LEPR: variants seen among roughly 807,000 people sequenced by gnomAD.
LEPR encodes leptin receptor.
LEPR carries 56 observed loss-of-function variants against 114.7 expected under a neutral mutation model. The observed-to-expected ratio is 0.49, with a 90% CI of 0.39 to 0.61. The LOEUF is 0.61. Among genes scored for constraint, LEPR ranks in the 20% least tolerant of loss-of-function variants. The pLI is 0.00. For missense variants in LEPR, 1,202 were observed against 1,352.9 expected, an observed-to-expected ratio of 0.89 and a Z score of 1.75; for synonymous variants, 443 against 461.4, an observed-to-expected ratio of 0.96 and a Z score of 0.51.
intron 8 of LEPR, among the ~76,000 whole-genome samples, chr1:65,599,812 A>G (rs1656323212): frequency 6.6e-6 from 1 of 152,170 alleles, no homozygotes; most frequent in Non-Finnish European, 1.5e-5. Flanking sequence ...ATTGCATAGT[A>G]TGTCATATGC....
chr1:65,541,265 T>G (rs2100663204), intron 2 of LEPR, among the ~76,000 whole-genome samples: 1 of 152,362 alleles, frequency 6.6e-6, no homozygotes, highest in South Asian at 2.1e-4. Flanking sequence ...AGCTTGCATT[T>G]TATTGAATAT....
chr1:65,614,343 T>A (rs1043722367), intron 14 of LEPR, among the ~76,000 whole-genome samples: 15 of 152,074 alleles, frequency 9.9e-5, no homozygotes, highest in Non-Finnish European at 2.1e-4. Context: ...ATTTAGGAGG[T>A]TGAAGGATCC....
chr1:65,484,882 G>T (rs1193279879), intron 2 of LEPR, among the ~76,000 whole-genome samples: 1 of 152,170 alleles, frequency 6.6e-6, no homozygotes. Context: ...AAAGGATACT[G>T]CTATGATTTT....
chr1:65,497,624 T>C (rs1648232531), intron 2 of LEPR, among the ~76,000 whole-genome samples: 1 of 152,188 alleles, frequency 6.6e-6, no homozygotes, highest in African/African-American at 2.4e-5. Flanking sequence ...AAGAACATTA[T>C]GAGTGGGTTG....
At chr1:65,631,632 C>A (rs967008583) in intron 19 of LEPR, among the ~76,000 whole-genome samples, 1 of 152,120 alleles carries the variant, frequency 6.6e-6, no homozygotes, top group Non-Finnish European at 1.5e-5. Context: ...CCTGTTCAGT[C>A]AGCCATCTTG....
intron 11 of LEPR, 111 bp from the exon 12 acceptor site, chr1:65,608,642 T>C: frequency 8.4e-7 from 1 of 1,195,564 alleles, no homozygotes; most frequent in Non-Finnish European, 1.2e-6. Flanking sequence ...GAGAAAGTTA[T>C]GAAGAAGATA....
At chr1:65,609,669 A>G (rs2100967343) in intron 12 of LEPR, among the ~76,000 whole-genome samples, 1 of 152,356 alleles carries the variant, frequency 6.6e-6, no homozygotes, top group East Asian at 1.9e-4. Context: ...AGGGATTAGT[A>G]GGAGGGTAAG....
intron 10 of LEPR, among the ~76,000 whole-genome samples, chr1:65,603,696 TG>T (rs1168328314): frequency 7.0e-6 from 1 of 142,460 alleles, no homozygotes; most frequent in East Asian, 3.0e-4. Flanking sequence ...TTTTTGCAAC[TG>T]GTTTTTTTTT....
At chr1:65,577,201 T>C (rs1557674276) in intron 5 of LEPR, 1 of 161,022 alleles carries the variant, frequency 6.2e-6, no homozygotes, top group Admixed American at 6.5e-5. Flanking sequence ...TTCACTTCAA[T>C]TGGCTGTCTA....
intron 4 of LEPR, 63 bp from the exon 5 acceptor site, chr1:65,572,263 A>G: frequency 6.9e-7 from 1 of 1,450,484 alleles, no homozygotes. Context: ...TGAGTTGTTC[A>G]GATGGTTTTT....
At position 65,598,095 on chromosome 1, in the gene LEPR, C is replaced by CTTTTTTTTTTTTTTTTTTTTT. The variant is rs1226626771; in HGVS notation, c.850-545_850-544insTTTTTTTTTTTTTTTTTTTTT. Among the ~76,000 whole-genome samples, 38 of 101,474 alleles carry CTTTTTTTTTTTTTTTTTTTTT rather than the reference C, an allele frequency of 3.7e-4. 1 individual carries two copies. Among genetic ancestry groups the CTTTTTTTTTTTTTTTTTTTTT allele is most frequent in the African/African-American group, 1.2e-3 (28 of 22,646 alleles). The allele number at this position is 101,474 out of a possible 152,430, so 66.6% of individuals were successfully genotyped here. ...CTAGGCTCAAGTGATCCTCCTGCCT[C>CTTTTTTTTTTTTTTTTTTTTT]TTTTTTTTTTTTTTTTTTTTAAGAG... On this transcript the variant is annotated intron_variant, in intron 7 of 19. Transcript: ENST00000349533.
At chr1:65,540,840 AT>A (rs1180647606) in intron 2 of LEPR, among the ~76,000 whole-genome samples, 1 of 150,398 alleles carries the variant, frequency 6.6e-6, no homozygotes, top group Non-Finnish European at 1.5e-5. Context: ...TCAGTTTACC[AT>A]TTTTTTTTGA....
At chr1:65,493,289 GT>G (rs747397308) in intron 2 of LEPR, among the ~76,000 whole-genome samples, 67 of 152,130 alleles carry the variant, frequency 4.4e-4, no homozygotes, top group Non-Finnish European at 7.8e-4. Context: ...CTCCACACCA[GT>G]TCTGGTTCTT....
At chr1:65,551,567 A>G (rs1652363628) in intron 2 of LEPR, among the ~76,000 whole-genome samples, 1 of 152,032 alleles carries the variant, frequency 6.6e-6, no homozygotes, top group African/African-American at 2.4e-5. Context: ...ACCCTTTATC[A>G]TTTTTTATTG....
chr1:65,462,319 G>A (rs988832009), intron 2 of LEPR, among the ~76,000 whole-genome samples: 2 of 152,288 alleles, frequency 1.3e-5, no homozygotes, highest in African/African-American at 4.8e-5. Context: ...CCCTGCAAAC[G>A]ACACGAACTC....
rs535311477 is a variant in LEPR, at chr1:65,550,333, G to T, written c.-20-15213G>T. Among the ~76,000 whole-genome samples, 8 of 152,330 alleles carry T rather than the reference G, an allele frequency of 5.3e-5. No homozygotes were observed. In the East Asian group the frequency reaches 1.5e-3, roughly 29 times the overall value. ...CCAGCTGCGTGCTGGGAGAACCACTGCTCTCTTCAACGCTGTCAGACAGGA... is the reference window on the plus strand; with the variant it reads ...CCAGCTGCGTGCTGGGAGAACCACTTCTCTCTTCAACGCTGTCAGACAGGA... On this transcript the variant is annotated intron_variant, in intron 2 of 19. Transcript: ENST00000349533.
chr1:65,515,755 T>C (rs1455797421), intron 2 of LEPR, among the ~76,000 whole-genome samples: 1 of 152,246 alleles, frequency 6.6e-6, no homozygotes, highest in Admixed American at 6.5e-5. Flanking sequence ...TATCGTATTG[T>C]ATAATGAGCA....
intron 2 of LEPR, among the ~76,000 whole-genome samples, chr1:65,535,801 C>T (rs573129777): frequency 2.0e-5 from 3 of 152,058 alleles, no homozygotes; most frequent in Admixed American, 6.6e-5. Context: ...TGGCATTTAC[C>T]GATGCTCTTT....
chr1:65,455,636 C>CGG (rs1646860342), intron 2 of LEPR, among the ~76,000 whole-genome samples: 1 of 150,750 alleles, frequency 6.6e-6, no homozygotes, highest in Non-Finnish European at 1.5e-5. Context: ...GCAGTCTGTC[C>CGG]GTTCTCAGAT....
Sources: allele counts gnomAD v4.1 joint callset (sites outside exome capture counted in the v4.1 genomes callset), GRCh38; gene constraint gnomAD v4.1.1; transcripts MANE v1.5; gene names NCBI Gene and HGNC (gene_info 2026-07-23, HGNC 2026-07-21).